Variants in RXRA observed in about 807,000 individuals in gnomAD.
RXRA encodes the protein retinoid X receptor alpha, also known as retinoic acid receptor RXR-alpha.
RXRA carries 5 observed loss-of-function variants against 44.5 expected under a neutral mutation model. The observed-to-expected ratio is 0.11, with a 90% CI of 0.06 to 0.24. RXRA has a LOEUF of 0.24. RXRA is among the 10% of genes least tolerant of loss of function. RXRA has a pLI of 1.00. For synonymous variants in RXRA, 291 were observed against 271.4 expected, an observed-to-expected ratio of 1.07 and a Z score of -0.71; for missense variants, 412 against 646.5, an observed-to-expected ratio of 0.64 and a Z score of 3.93.
intron 1 of RXRA, among the ~76,000 whole-genome samples, chr9:134,328,232 G>T (rs192744190): frequency 7.5e-4 from 114 of 152,348 alleles, no homozygotes; most frequent in African/African-American, 2.6e-3. Context: ...TCAGCTCAGT[G>T]TCTGGCCCCT....
At chr9:134,346,964 C>T (rs1398156479) in intron 1 of RXRA, among the ~76,000 whole-genome samples, 1 of 152,196 alleles carries the variant, frequency 6.6e-6, no homozygotes, top group Non-Finnish European at 1.5e-5. Context: ...TGCTTCCAGG[C>T]ACCACATCCT....
intron 6 of RXRA, among the ~76,000 whole-genome samples, chr9:134,428,183 C>G (rs929988184): frequency 1.3e-4 from 19 of 150,512 alleles, no homozygotes; most frequent in African/African-American, 4.7e-4. Flanking sequence ...GGAACCCCCA[C>G]TATGTTGAGA....
chr9:134,382,599 G>A (rs1317841269), intron 1 of RXRA, among the ~76,000 whole-genome samples: 2 of 152,182 alleles, frequency 1.3e-5, no homozygotes, highest in African/African-American at 4.8e-5. Flanking sequence ...GGGATTCATG[G>A]GGTGCTGGGG....
At chr9:134,411,923 C>T (rs1305550909) in intron 4 of RXRA, among the ~76,000 whole-genome samples, 4 of 152,050 alleles carry the variant, frequency 2.6e-5, no homozygotes, top group African/African-American at 7.2e-5. Flanking sequence ...GTAACGGGGC[C>T]CCTGGTGCAG....
At chr9:134,346,473 T>C (rs1830153577) in intron 1 of RXRA, among the ~76,000 whole-genome samples, 1 of 152,134 alleles carries the variant, frequency 6.6e-6, no homozygotes, top group African/African-American at 2.4e-5. Flanking sequence ...GTTCTGCTTG[T>C]TCCTTCTGAG....
intron 1 of RXRA, 109 bp from the exon 2 acceptor site, chr9:134,401,523 G>A: frequency 1.3e-6 from 2 of 1,556,758 alleles, no homozygotes; most frequent in South Asian, 1.1e-5. Flanking sequence ...CCTTGAGGGT[G>A]CCGGGGTCTT....
chr9:134,347,481 C>T (rs1177374907), intron 1 of RXRA, among the ~76,000 whole-genome samples: 4 of 152,154 alleles, frequency 2.6e-5, no homozygotes, highest in South Asian at 4.1e-4. Flanking sequence ...GGGCTTCTGC[C>T]GAGCAGGAGG....
intron 5 of RXRA, 133 bp from the exon 6 acceptor site, chr9:134,421,543 G>A: frequency 1.9e-6 from 2 of 1,033,752 alleles, no homozygotes. Flanking sequence ...GGGGATTGGG[G>A]CCTGGGCATC....
At chr9:134,338,397 C>T (rs1179912412) in intron 1 of RXRA, among the ~76,000 whole-genome samples, 1 of 152,248 alleles carries the variant, frequency 6.6e-6, no homozygotes, top group East Asian at 1.9e-4. Context: ...ACACAGGCCA[C>T]TTCTGGTCCC....
intron 1 of RXRA, among the ~76,000 whole-genome samples, chr9:134,359,221 C>A (rs940126140): frequency 1.4e-4 from 22 of 152,134 alleles, no homozygotes; most frequent in Non-Finnish European, 1.5e-5. Flanking sequence ...CACTGAATAG[C>A]TGGGGAAATT....
chr9:134,427,501 C>T (rs922840306), intron 6 of RXRA, among the ~76,000 whole-genome samples: 3 of 152,224 alleles, frequency 2.0e-5, no homozygotes, highest in Non-Finnish European at 2.9e-5. Context: ...CAGACCCCAC[C>T]GTTCCTCCCT....
In RXRA at chr9:134,408,141, C is replaced by T; in HGVS notation, c.280-8C>T. The T allele has an allele frequency of 3.3e-6, 5 of 1,532,904 alleles. No individual in the cohort carries two copies. Among genetic ancestry groups the T allele is most frequent in the East Asian group, 4.7e-5 (2 of 42,778 alleles). The allele number at this position is 1,532,904 out of a possible 1,614,324, so 95.0% of individuals were successfully genotyped here. A position where few individuals can be genotyped will look rare whatever the true frequency, so the allele number is the denominator to read the frequency against. ...CACCCCGCTGACTGCTGTGGTTGCCCCCCCCAGCTCAGCTCACCTATGAAC... is the reference window on the plus strand; with the variant it reads ...CACCCCGCTGACTGCTGTGGTTGCCTCCCCCAGCTCAGCTCACCTATGAAC... On this transcript the variant is annotated splice_polypyrimidine_tract_variant and splice_region_variant and intron_variant, in intron 2 of 9. Transcript: ENST00000481739.
At chr9:134,413,843 G>A (rs1255599155) in intron 4 of RXRA, among the ~76,000 whole-genome samples, 1 of 152,172 alleles carries the variant, frequency 6.6e-6, no homozygotes, top group Non-Finnish European at 1.5e-5. Context: ...GTGATGCTGG[G>A]GAGGGTCCGC....
intron 6 of RXRA, chr9:134,425,545 G>T (rs1156728007): frequency 2.4e-6 from 2 of 837,566 alleles, no homozygotes; most frequent in Non-Finnish European, 2.9e-6. Flanking sequence ...TGGCGGCAGG[G>T]TGGGGGGTGG....
At chr9:134,424,183 C>A (rs899405449) in intron 6 of RXRA, 1 of 985,274 alleles carries the variant, frequency 1.0e-6, no homozygotes, top group Admixed American at 6.1e-5. Flanking sequence ...CTTAGGTGGG[C>A]ACCTGCCTGT....
intron 1 of RXRA, among the ~76,000 whole-genome samples, chr9:134,397,337 C>T (rs1051524174): frequency 5.3e-5 from 8 of 152,168 alleles, no homozygotes; most frequent in African/African-American, 9.7e-5. Context: ...CTAAACCTGC[C>T]GCTTAGCCCC....
At chr9:134,362,808 G>C (rs1215588057) in intron 1 of RXRA, among the ~76,000 whole-genome samples, 5 of 152,234 alleles carry the variant, frequency 3.3e-5, no homozygotes, top group Non-Finnish European at 5.9e-5. Context: ...GTGAACACTT[G>C]GCTGGTGGCG....
chr9:134,384,869 A>G (rs939879515), intron 1 of RXRA, among the ~76,000 whole-genome samples: 1 of 152,114 alleles, frequency 6.6e-6, no homozygotes, highest in African/African-American at 2.4e-5. Context: ...TCCAGTCCTG[A>G]GCACCGCCTG....
At chr9:134,363,102 A>G (rs1379908020) in intron 1 of RXRA, among the ~76,000 whole-genome samples, 4 of 152,094 alleles carry the variant, frequency 2.6e-5, no homozygotes, top group Non-Finnish European at 5.9e-5. Context: ...CAGTAAGTTC[A>G]CTTTCCCCGG....
Sources: gnomAD v4.1 joint callset for allele counts (sites outside exome capture counted in the v4.1 genomes callset) on GRCh38, gnomAD v4.1.1 for gene constraint, MANE v1.5 for transcripts, NCBI Gene and HGNC (gene_info 2026-07-23, HGNC 2026-07-21) for gene names.